Variants in PODN observed in about 807,000 individuals in gnomAD.
PODN encodes podocan.
In PODN, 40 loss-of-function variants were observed where a neutral mutation model predicts 52.7. That is an observed-to-expected ratio of 0.76 (90% CI 0.59 to 0.99). The LOEUF is 0.99. Ranked by LOEUF, PODN falls within the 50% of genes least tolerant of loss-of-function variation. The probability of loss-of-function intolerance (pLI) is 0.00; values close to 1 mark genes in which losing one functional copy is unlikely to be tolerated. For missense variants in PODN, 720 were observed against 815.1 expected (o/e 0.88, Z 1.42); for synonymous variants, 396 against 377.9 (o/e 1.05, Z -0.56).
intron 10 of PODN, among the ~76,000 whole-genome samples, chr1:53,083,550 T>C (rs1481693692): frequency 1.3e-5 from 2 of 152,318 alleles, no homozygotes; most frequent in East Asian, 1.9e-4. Flanking sequence ...TGTGAAGCCA[T>C]GTCAGCCGGA....
intron 8 of PODN, 126 bp downstream of exon 8, chr1:53,079,148 C>T: frequency 8.0e-7 from 1 of 1,250,102 alleles, no homozygotes; most frequent in Non-Finnish European, 1.1e-6. Flanking sequence ...CTGGTATGGC[C>T]AGGCTGAGCT....
Position 53,080,861 on chromosome 1 carries a change from A to G in PODN, c.1646A>G (p.Lys549Arg). The G allele has an allele frequency of 6.2e-7, 1 of 1,614,016 alleles. No individual in the cohort carries two copies. Among genetic ancestry groups the G allele is most frequent in the African/African-American group, 1.3e-5 (1 of 75,056 alleles). Reference protein sequence around the residue: ...ANAFDSTPNLKGIFLRFNKLA... With the variant: ...ANAFDSTPNLRGIFLRFNKLA... ...GCCTTCGACTCCACGCCCAACCTCA[A>G]GGGGATCTTTCTCAGGTAGGAGCCC... Residue 549 changes from lysine to arginine, a missense_variant, in exon 9 of 11, where the codon AAG (lysine) becomes AGG (arginine). Transcript: ENST00000312553.
At chr1:53,076,575 G>T (rs949564592) in intron 5 of PODN, among the ~76,000 whole-genome samples, 2 of 152,100 alleles carry the variant, frequency 1.3e-5, no homozygotes, top group African/African-American at 2.4e-5. Flanking sequence ...CGAGGGCAGG[G>T]TCTGTCTCAT....
At chr1:53,079,951 C>T (rs1644257435) in intron 8 of PODN, among the ~76,000 whole-genome samples, 1 of 147,626 alleles carries the variant, frequency 6.8e-6, no homozygotes, top group Admixed American at 6.9e-5. Context: ...GCTATGATCA[C>T]GCTACAGCAC....
chr1:53,077,562 G>A (rs1017684796), intron 6 of PODN, 123 bp from the exon 7 acceptor site: 44 of 1,157,056 alleles, frequency 3.8e-5, no homozygotes, highest in Non-Finnish European at 5.4e-5. Flanking sequence ...CCACACCTGG[G>A]TTGCTTCAGG....
Position 53,082,069 on chromosome 1 carries a change from G to C in PODN, c.1750G>C (p.Glu584Gln). The C allele has an allele frequency of 6.2e-7, 1 of 1,614,082 alleles. No homozygotes were observed. Residue 584 changes from glutamate to glutamine, a missense_variant, in exon 10 of 11, where the codon GAG (glutamate) becomes CAG (glutamine). Transcript: ENST00000312553. Reference sequence around the variant, plus strand: ...GGTCTTGGACATTGAAGGCAACTTAGAGTTTGGTGACATTTCCAAGGACCG... The same window carrying C: ...GGTCTTGGACATTGAAGGCAACTTACAGTTTGGTGACATTTCCAAGGACCG... ...LQVLDIEGNL[E>Q]FGDISKDRGR...
chr1:53,066,794 A>G (rs1413251552), intron 1 of PODN: 4 of 1,537,388 alleles, frequency 2.6e-6, no homozygotes, highest in Admixed American at 2.0e-5. Context: ...TATAAATTCA[A>G]TATTTTTATT....
chr1:53,082,288 C>T (rs1381355526), intron 10 of PODN, 100 bp downstream of exon 10: 1 of 1,368,062 alleles, frequency 7.3e-7, no homozygotes, highest in Admixed American at 3.3e-5. Flanking sequence ...ACCCTCTCGC[C>T]TCTGCTTCAT....
intron 2 of PODN, among the ~76,000 whole-genome samples, chr1:53,070,632 G>A (rs1202028435): frequency 6.6e-6 from 1 of 152,252 alleles, no homozygotes; most frequent in Non-Finnish European, 1.5e-5. Flanking sequence ...GTGGGACACA[G>A]TGTCCAGACT....
intron 9 of PODN, 44 bp from the exon 10 acceptor site, chr1:53,081,937 T>C: frequency 6.4e-7 from 1 of 1,552,124 alleles, no homozygotes; most frequent in Non-Finnish European, 8.7e-7. Flanking sequence ...GAGGGTTCCT[T>C]GGGGGTTGGG....
At chr1:53,077,950 C>T in intron 7 of PODN, 150 bp downstream of exon 7, 2 of 627,618 alleles carry the variant, frequency 3.2e-6, no homozygotes, top group Non-Finnish European at 5.5e-6. Context: ...CCTCTGTTGA[C>T]ATTTCTGTCC....
chr1:53,077,865 A>G, intron 7 of PODN, 65 bp downstream of exon 7: 1 of 1,380,610 alleles, frequency 7.2e-7, no homozygotes, highest in East Asian at 2.3e-5. Flanking sequence ...TTCAGGGCCA[A>G]CCATCCAGCC....
Position 53,074,488 on chromosome 1 carries a change from G to C in PODN, c.407-118G>C, listed in dbSNP as rs1644164904. ...CCCCCAACTGCTTGGGAGGGGATCTGAGCTGCCTCTGCCTCCCTAGTCCTG... is the reference window on the plus strand; with the variant it reads ...CCCCCAACTGCTTGGGAGGGGATCTCAGCTGCCTCTGCCTCCCTAGTCCTG... On this transcript the variant is annotated intron_variant, in intron 3 of 10. Transcript: ENST00000312553. 6.0e-6 allele frequency: 7 copies of C among 1,163,074 alleles called. No individual in the cohort carries two copies. In the African/African-American group the frequency reaches 7.6e-5, roughly 13 times the overall value. The allele number at this position is 1,163,074 out of a possible 1,614,324, so 72.0% of individuals were successfully genotyped here. A position where few individuals can be genotyped will look rare whatever the true frequency, so the allele number is the denominator to read the frequency against.
rs753597598 is a variant in PODN, at chr1:53,069,869, G to T, written c.14G>T (p.Arg5Leu). 4 of 1,568,810 alleles carry T rather than the reference G, an allele frequency of 2.5e-6. No homozygotes were observed. The highest frequency in any genetic ancestry group is 4.7e-5 in the East Asian group (2 of 42,216). Residue 5 changes from arginine (R) to leucine (L), a missense_variant, in exon 2 of 11, where the codon CGG becomes CTG. Physicochemically the swap from Arg to Leu is moderately radical, Grantham distance 102 (BLOSUM62 -2). Coordinates refer to ENST00000312553, the MANE Select transcript of PODN (RefSeq NM_153703.5). MAQS[R>L]VLLLLLLLPP... ...CCTGCAGGCACCATGGCCCAGAGCCGGGTGCTGCTGCTCCTGCTGCTGCTG... is the reference window on the plus strand; with the variant it reads ...CCTGCAGGCACCATGGCCCAGAGCCTGGTGCTGCTGCTCCTGCTGCTGCTG...
intron 7 of PODN, 129 bp from the exon 8 acceptor site, chr1:53,078,236 C>T (rs551446663): frequency 2.1e-6 from 2 of 941,736 alleles, no homozygotes; most frequent in East Asian, 5.0e-5. Context: ...GACTGAGGGC[C>T]CACAGTCAGT....
At chr1:53,080,957 C>T (rs1644287682) in intron 9 of PODN, 81 bp downstream of exon 9, 1 of 1,543,386 alleles carries the variant, frequency 6.5e-7, no homozygotes, top group Non-Finnish European at 8.8e-7. Flanking sequence ...CACGTGGGAA[C>T]AGCTTGGCTC....
At position 53,078,863 on chromosome 1, in the gene PODN, A is replaced by G; in HGVS notation, c.1353A>G (p.Arg451=). The G allele has an allele frequency of 6.2e-7, 1 of 1,612,676 alleles. No individual in the cohort carries two copies. The highest frequency in any genetic ancestry group is 8.5e-7 in the Non-Finnish European group (1 of 1,179,654). Residue 451 remains arginine (R), a synonymous_variant, in exon 8 of 11, where the codon CGA becomes CGG. Coordinates refer to ENST00000312553, the MANE Select transcript of PODN (RefSeq NM_153703.5). The part of the protein sequence containing the change: ...RLHTLPPGLP[R]NVHVLKVKRN... The stretch of plus-strand genomic sequence containing the variant: ...ACACGCTGCCACCTGGGCTGCCTCG[A>G]AATGTCCATGTGCTGAAGGTCAAGC...
Position 53,074,682 on chromosome 1 carries a change from G to C in PODN, c.471+12G>C. ...TGGCCAATAACAAGGTGAGGGGCTT[G>C]AGGCAGGGTGGGGGGTTGCTGCCCT... On this transcript the variant is annotated intron_variant, in intron 4 of 10. Transcript: ENST00000312553. 2 of 1,613,608 alleles carry C rather than the reference G, an allele frequency of 1.2e-6. No individual in the cohort carries two copies. Among genetic ancestry groups the C allele is most frequent in the Non-Finnish European group, 1.7e-6 (2 of 1,179,790 alleles).
intron 3 of PODN, chr1:53,073,846 C>A (rs1370675268): frequency 1.3e-5 from 2 of 152,242 alleles, no homozygotes; most frequent in Non-Finnish European, 2.9e-5. Context: ...GCAGCCAGCA[C>A]CACAGTCCAG....
Sources: allele counts gnomAD v4.1 joint callset (sites outside exome capture counted in the v4.1 genomes callset), GRCh38; gene constraint gnomAD v4.1.1; transcripts MANE v1.5; gene names NCBI Gene and HGNC (gene_info 2026-07-23, HGNC 2026-07-21).